PAX5: variants seen among roughly 807,000 people sequenced by gnomAD.
PAX5 encodes paired box protein Pax-5.
PAX5 carries 9 observed loss-of-function variants against 43.7 expected under a neutral mutation model. The observed-to-expected ratio is 0.21, with a 90% CI of 0.12 to 0.36. The LOEUF is 0.36. PAX5 is among the 10% of genes least tolerant of loss of function. The pLI is 1.00. For synonymous variants in PAX5, 228 were observed against 214.3 expected (o/e 1.06, Z -0.56); for missense variants, 383 against 532.7 (o/e 0.72, Z 2.77).
chr9:36,937,389 C>T (rs1389272844), intron 6 of PAX5, among the ~76,000 whole-genome samples: 1 of 152,214 alleles, frequency 6.6e-6, no homozygotes, highest in Non-Finnish European at 1.5e-5. Context: ...ACCCCCTCTG[C>T]CACTGTTACT....
intron 6 of PAX5, among the ~76,000 whole-genome samples, chr9:36,930,038 T>C (rs1356860457): frequency 2.7e-5 from 4 of 149,650 alleles, no homozygotes; most frequent in Admixed American, 2.7e-4. Flanking sequence ...CCACAGACTC[T>C]TATAAGACCT....
chr9:36,860,474 T>A (rs1457052417), intron 8 of PAX5, among the ~76,000 whole-genome samples: 3 of 152,010 alleles, frequency 2.0e-5, no homozygotes, highest in African/African-American at 7.3e-5. Flanking sequence ...GTGACGCCAA[T>A]GTACAGCAAG....
chr9:37,026,708 T>C lies in PAX5; in HGVS notation c.47-5907A>G, dbSNP rs1429096968. 6 of 1,289,012 alleles carry C rather than the reference T, an allele frequency of 4.7e-6. No homozygotes were observed. In the East Asian group the frequency reaches 2.2e-4, roughly 48 times the overall value. 79.8% of individuals were successfully genotyped at this position (1,289,012 alleles called of 1,614,324 possible). ...GGGCTCAGAAAACACTGCTGGAGCT[T>C]CGGGGTCTCTCTCAGAGCCTCCCTG... On this transcript the variant is annotated intron_variant, in intron 1 of 9. Coordinates refer to ENST00000358127, the MANE Select transcript of PAX5 (RefSeq NM_016734.3).
chr9:36,933,980 G>T (rs1486817301), intron 6 of PAX5, among the ~76,000 whole-genome samples: 1 of 152,152 alleles, frequency 6.6e-6, no homozygotes, highest in African/African-American at 2.4e-5. Context: ...GTGGAATGGG[G>T]TTCTCCTTGA....
intron 6 of PAX5, chr9:36,931,029 C>T: frequency 4.2e-6 from 2 of 475,594 alleles, no homozygotes; most frequent in Non-Finnish European, 8.2e-6. Flanking sequence ...GGCAAGGCTG[C>T]AGGGCTGGTC....
In PAX5 at chr9:37,001,810, CTTTTT is replaced by C. The variant is rs3073720; in HGVS notation, c.604+833_604+837del. Among the ~76,000 whole-genome samples, 80 of 87,992 alleles carry C rather than the reference CTTTTT, an allele frequency of 9.1e-4. No individual in the cohort carries two copies. The Admixed American group carries it at 9.9e-3, about 11-fold the overall frequency. 57.7% of individuals were successfully genotyped at this position (87,992 alleles called of 152,430 possible). A position where few individuals can be genotyped will look rare whatever the true frequency, so the allele number is the denominator to read the frequency against. ...CTCAGGCCCTAGACCACAGCTCTGG[CTTTTT>C]TTTTTTTTTTTTTTTTTTTCTTTTC... On this transcript the variant is annotated intron_variant, in intron 5 of 9. Transcript: ENST00000358127.
intron 3 of PAX5, among the ~76,000 whole-genome samples, chr9:37,014,457 G>A (rs1839219963): frequency 6.6e-6 from 1 of 152,224 alleles, no homozygotes; most frequent in Non-Finnish European, 1.5e-5. Flanking sequence ...GAGAGAGGAA[G>A]AGCTTTGTCA....
In PAX5 at chr9:36,946,686, A is replaced by C. The variant is rs535227468; in HGVS notation, c.780+19863T>G. On this transcript the variant is annotated intron_variant, in intron 6 of 9. Coordinates refer to ENST00000358127, the MANE Select transcript of PAX5 (RefSeq NM_016734.3). ...AATGGAAGGGAAAACTACGTGCTAG[A>C]GATAGGTTACGGTCACCAGGACACT... 2.0e-5 allele frequency among the ~76,000 whole-genome samples: 3 copies of C among 152,336 alleles called. No individual in the cohort carries two copies. The East Asian group carries it at 5.8e-4, about 29-fold the overall frequency.
chr9:36,842,180 C>T (rs1342391574), intron 9 of PAX5, among the ~76,000 whole-genome samples: 3 of 152,214 alleles, frequency 2.0e-5, no homozygotes, highest in East Asian at 3.8e-4. Context: ...TCCCTGGCTG[C>T]AGTCCCGACT....
chr9:36,962,594 C>G (rs1834067981), intron 6 of PAX5, among the ~76,000 whole-genome samples: 1 of 152,162 alleles, frequency 6.6e-6, no homozygotes, highest in Non-Finnish European at 1.5e-5. Context: ...GCTGCTGCAG[C>G]TGTTCTTGTT....
At chr9:36,881,472 C>T (rs1188090512) in intron 8 of PAX5, among the ~76,000 whole-genome samples, 6 of 152,096 alleles carry the variant, frequency 3.9e-5, no homozygotes, top group Middle Eastern at 3.2e-3. Flanking sequence ...TGACAATCAC[C>T]GGCCTGGGGG....
At chr9:36,912,977 T>C (rs950289543) in intron 7 of PAX5, among the ~76,000 whole-genome samples, 1 of 152,202 alleles carries the variant, frequency 6.6e-6, no homozygotes, top group Non-Finnish European at 1.5e-5. Context: ...AGGTGCAAAG[T>C]CCAGACAGAA....
At chr9:36,972,826 G>A (rs1386690295) in intron 5 of PAX5, among the ~76,000 whole-genome samples, 10 of 151,964 alleles carry the variant, frequency 6.6e-5, no homozygotes, top group African/African-American at 9.7e-5. Context: ...TCAGGAGTTC[G>A]AGACCAGCCT....
rs548381430 is a variant in PAX5, at chr9:37,031,710, T to C, written c.46+2276A>G. Among the ~76,000 whole-genome samples the C allele has an allele frequency of 3.3e-5, 5 of 152,220 alleles. No homozygotes were observed. The East Asian group carries it at 9.6e-4, about 29-fold the overall frequency. On this transcript the variant is annotated intron_variant, in intron 1 of 9. Coordinates refer to ENST00000358127, the MANE Select transcript of PAX5 (RefSeq NM_016734.3). ...TCCGAACCTCTGAGTTTCCTTTCCC[T>C]ACAGCAAGGAAGACATTAGAGGAGA...
chr9:37,016,423 G>A (rs773762544), intron 2 of PAX5, among the ~76,000 whole-genome samples: 14 of 152,198 alleles, frequency 9.2e-5, no homozygotes, highest in Non-Finnish European at 2.1e-4. Flanking sequence ...CTCTTCCAGG[G>A]ACCTCCCCTG....
In PAX5 at chr9:37,001,697, A is replaced by G. The variant is rs925375753; in HGVS notation, c.604+951T>C. Among the ~76,000 whole-genome samples the G allele has an allele frequency of 3.9e-5, 6 of 152,058 alleles. 1 individual carries two copies. The highest frequency in any genetic ancestry group is 1.4e-4 in the African/African-American group (6 of 41,520). On this transcript the variant is annotated intron_variant, in intron 5 of 9. Coordinates refer to ENST00000358127, the MANE Select transcript of PAX5 (RefSeq NM_016734.3). Reference sequence around the variant, plus strand: ...ATCTTAAGTACTTAGGCATGTGCTCATGAGAACACACATCCCTTACACAGA... The same window carrying G: ...ATCTTAAGTACTTAGGCATGTGCTCGTGAGAACACACATCCCTTACACAGA...
chr9:37,016,572 G>A (rs1376392739), intron 2 of PAX5, among the ~76,000 whole-genome samples: 1 of 152,120 alleles, frequency 6.6e-6, no homozygotes, highest in East Asian at 1.9e-4. Flanking sequence ...GGGGATAATT[G>A]ACATAATTTC....
chr9:36,998,723 G>A (rs1333950495), intron 5 of PAX5, among the ~76,000 whole-genome samples: 1 of 152,122 alleles, frequency 6.6e-6, no homozygotes, highest in Admixed American at 6.5e-5. Flanking sequence ...TATTGTTTTG[G>A]TAGGACTACA....
chr9:36,945,270 A>G (rs546018650), intron 6 of PAX5, among the ~76,000 whole-genome samples: 46 of 151,382 alleles, frequency 3.0e-4, no homozygotes, highest in Non-Finnish European at 5.9e-4. Context: ...AGGGTCTCAC[A>G]CTCTCACCCA....
Sources: gnomAD v4.1 joint callset for allele counts (sites outside exome capture counted in the v4.1 genomes callset) on GRCh38, gnomAD v4.1.1 for gene constraint, MANE v1.5 for transcripts, NCBI Gene and HGNC (gene_info 2026-07-23, HGNC 2026-07-21) for gene names.